CORIN: variants seen among roughly 807,000 people sequenced by gnomAD.
CORIN encodes atrial natriuretic peptide-converting enzyme.
In CORIN, 117 loss-of-function variants were observed where a neutral mutation model predicts 125.3. That is an observed-to-expected ratio of 0.93 (90% CI 0.80 to 1.09). The LOEUF (loss-of-function observed/expected upper bound fraction) is 1.09. Among genes scored for constraint, CORIN ranks in the 50% least tolerant of loss-of-function variants. CORIN has a pLI of 0.00. For synonymous variants in CORIN, 450 were observed against 466.4 expected (o/e 0.96, Z 0.45); for missense variants, 1,253 against 1,306.7 (o/e 0.96, Z 0.63).
At chr4:47,645,330 C>T in intron 13 of CORIN, 136 bp from the exon 14 acceptor site, 3 of 533,924 alleles carry the variant, frequency 5.6e-6, no homozygotes, top group Non-Finnish European at 1.0e-5. Context: ...AATCCCAGCA[C>T]TTTGGGAGGC....
intron 5 of CORIN, among the ~76,000 whole-genome samples, chr4:47,729,355 T>G (rs920145347): frequency 6.6e-6 from 1 of 152,160 alleles, no homozygotes; most frequent in African/African-American, 2.4e-5. Context: ...TTACATAGCT[T>G]CTCTTCTTCA....
In CORIN at chr4:47,662,414, G is replaced by A. The variant is rs180801008; in HGVS notation, c.1590-558C>T. Among the ~76,000 whole-genome samples the A allele has an allele frequency of 2.5e-4, 38 of 152,204 alleles. No individual in the cohort carries two copies. The Middle Eastern group carries it at 0.014, about 54-fold the overall frequency. On this transcript the variant is annotated intron_variant, in intron 11 of 21. Coordinates refer to ENST00000273857, the MANE Select transcript of CORIN (RefSeq NM_006587.4). ...TTCCAAACCCACTTACGTTGAGCTC[G>A]AGTTGGTTAAAATGTTTGGTTTTTG...
chr4:47,744,499 C>A lies in CORIN; in HGVS notation c.702G>T (p.Trp234Cys). Residue 234 changes from tryptophan (W) to cysteine (C), a missense_variant, in exon 5 of 22, where the codon TGG (tryptophan) becomes TGT (cysteine). Physicochemically the swap from Trp to Cys is radical, Grantham distance 215. Transcript: ENST00000273857. ...ACTGGGAGCATCTGAGGAAATCCGG[C>A]CAGGAGTAATTCACCATCCCCAGGA... Reference protein sequence around the residue: ...ESVLGMVNYSWPDFLRCSQFR... With the variant: ...ESVLGMVNYSCPDFLRCSQFR... 1.9e-6 allele frequency: 3 copies of A among 1,613,876 alleles called. No homozygotes were observed. The highest frequency in any genetic ancestry group is 2.5e-6 in the Non-Finnish European group (3 of 1,179,954).
At chr4:47,760,754 C>T (rs1729410510) in intron 4 of CORIN, among the ~76,000 whole-genome samples, 1 of 152,220 alleles carries the variant, frequency 6.6e-6, no homozygotes, top group African/African-American at 2.4e-5. Flanking sequence ...GCATCTTCTT[C>T]CAGTACAAAG....
chr4:47,784,767 C>T (rs896899059), intron 3 of CORIN, among the ~76,000 whole-genome samples: 7 of 152,146 alleles, frequency 4.6e-5, no homozygotes, highest in African/African-American at 1.4e-4. Flanking sequence ...CAATTAAACC[C>T]ATGAGGAAAA....
intron 11 of CORIN, among the ~76,000 whole-genome samples, chr4:47,664,711 C>T (rs556243159): frequency 2.0e-5 from 3 of 152,200 alleles, no homozygotes; most frequent in Non-Finnish European, 4.4e-5. Context: ...GCAGATATAT[C>T]CCTTTTATAC....
intron 21 of CORIN, among the ~76,000 whole-genome samples, chr4:47,597,351 C>CA (rs11420411): frequency 0.53 from 61,869 of 117,488 alleles, 14,254 homozygotes; most frequent in East Asian, 0.61. Flanking sequence ...AACTCCATCT[C>CA]AAAAAAAAAA....
intron 5 of CORIN, among the ~76,000 whole-genome samples, chr4:47,695,185 A>G (rs1324453665): frequency 6.6e-6 from 1 of 152,202 alleles, no homozygotes; most frequent in East Asian, 1.9e-4. Context: ...GAAAAACCAA[A>G]ATACTAAGAT....
intron 19 of CORIN, among the ~76,000 whole-genome samples, chr4:47,615,401 CTG>C (rs886088380): frequency 1.3e-5 from 2 of 152,140 alleles, no homozygotes; most frequent in African/African-American, 2.4e-5. Flanking sequence ...AAATAGGAAA[CTG>C]TTTCAGTAGT....
In CORIN at chr4:47,595,661, C is replaced by T. The variant is rs576532968; in HGVS notation, c.*60G>A. The T allele has an allele frequency of 2.2e-6, 3 of 1,388,618 alleles. No homozygotes were observed. The highest frequency in any genetic ancestry group is 2.3e-5 in the East Asian group (1 of 43,386). 86.0% of individuals were successfully genotyped at this position (1,388,618 alleles called of 1,614,324 possible). A position where few individuals can be genotyped will look rare whatever the true frequency, so the allele number is the denominator to read the frequency against. ...ACAGCTCTCTGCAGGCAGCTCTTCA[C>T]AGTCAAGAAGGCCATTTTCTTTTAG... is the stretch of plus-strand genomic sequence containing the variant. On this transcript the variant is annotated 3_prime_UTR_variant, in exon 22 of 22. Transcript: ENST00000273857.
intron 5 of CORIN, among the ~76,000 whole-genome samples, chr4:47,701,081 C>T (rs1480597903): frequency 6.6e-6 from 1 of 152,104 alleles, no homozygotes; most frequent in Non-Finnish European, 1.5e-5. Flanking sequence ...TTGGTAAATG[C>T]CTGCTGAATA....
At chr4:47,780,549 T>C (rs1391403610) in intron 3 of CORIN, among the ~76,000 whole-genome samples, 18 of 152,136 alleles carry the variant, frequency 1.2e-4, no homozygotes, top group Admixed American at 1.2e-3. Flanking sequence ...TCCAAAAATC[T>C]ACTCCTCCAC....
chr4:47,669,083 C>T (rs560792071), intron 10 of CORIN, among the ~76,000 whole-genome samples: 153 of 152,058 alleles, frequency 1.0e-3, no homozygotes, highest in African/African-American at 3.5e-3. Flanking sequence ...ACTGTGCTTC[C>T]GATATAAGTT....
chr4:47,607,880 G>A (rs559856838), intron 19 of CORIN, among the ~76,000 whole-genome samples: 31 of 151,524 alleles, frequency 2.0e-4, no homozygotes, highest in African/African-American at 7.0e-4. Flanking sequence ...CCTAGAGGTG[G>A]AGGTTGCAGT....
chr4:47,760,504 T>C (rs921914190), intron 4 of CORIN, among the ~76,000 whole-genome samples: 1 of 152,218 alleles, frequency 6.6e-6, no homozygotes, highest in Non-Finnish European at 1.5e-5. Flanking sequence ...TTCCATTCCA[T>C]TGGTCTATCA....
In CORIN at chr4:47,712,964, T is replaced by C. The variant is rs535432586; in HGVS notation, c.800-19881A>G. On this transcript the variant is annotated intron_variant, in intron 5 of 21. Transcript: ENST00000273857. Reference sequence around the variant, plus strand: ...ACTGTAAGGTTTCCCCGAAAGACAATAGAAGAAATAAGTTTTGCTTTTACA... The same window carrying C: ...ACTGTAAGGTTTCCCCGAAAGACAACAGAAGAAATAAGTTTTGCTTTTACA... Among the ~76,000 whole-genome samples, 8 of 152,136 alleles carry C rather than the reference T, an allele frequency of 5.3e-5. No homozygotes were observed. In the East Asian group the frequency reaches 1.2e-3, roughly 22 times the overall value.
At chr4:47,786,405 G>A (rs1730813371) in intron 3 of CORIN, among the ~76,000 whole-genome samples, 1 of 152,142 alleles carries the variant, frequency 6.6e-6, no homozygotes, top group African/African-American at 2.4e-5. Context: ...GCTGGGCGTG[G>A]TGGCGGGCGC....
rs552929583 is a variant in CORIN, at chr4:47,837,439, C to G, written c.63+448G>C. On this transcript the variant is annotated intron_variant, in intron 1 of 21. Coordinates refer to ENST00000273857, the MANE Select transcript of CORIN (RefSeq NM_006587.4). Reference sequence around the variant, plus strand: ...CCGGCGCCCGAGACGCCGGCGCAGACAGGAAGCTGTAGATCCCCGAGGGGC... The same window carrying G: ...CCGGCGCCCGAGACGCCGGCGCAGAGAGGAAGCTGTAGATCCCCGAGGGGC... 2.0e-3 allele frequency: 484 copies of G among 246,186 alleles called. 2 individuals are homozygous for G. The highest frequency in any genetic ancestry group is 0.01 in the African/African-American group (433 of 42,698). 15.3% of individuals were successfully genotyped at this position (246,186 alleles called of 1,614,324 possible).
chr4:47,799,366 A>G (rs892168010), intron 2 of CORIN, among the ~76,000 whole-genome samples: 1 of 152,118 alleles, frequency 6.6e-6, no homozygotes, highest in Non-Finnish European at 1.5e-5. Flanking sequence ...AGTTTTTTCC[A>G]CAGTGACTGA....
Sources: gnomAD v4.1 joint callset for allele counts (sites outside exome capture counted in the v4.1 genomes callset) on GRCh38, gnomAD v4.1.1 for gene constraint, MANE v1.5 for transcripts, NCBI Gene and HGNC (gene_info 2026-07-23, HGNC 2026-07-21) for gene names.